STXBP6: variants seen among roughly 807,000 people sequenced by gnomAD.
STXBP6 encodes the protein syntaxin binding protein 6.
STXBP6 carries 21 observed loss-of-function variants against 26.9 expected under a neutral mutation model. The ratio of observed to expected loss-of-function variants is 0.78; its 90% CI spans 0.55 to 1.12. The LOEUF (loss-of-function observed/expected upper bound fraction) is 1.12. Among genes scored for constraint, STXBP6 ranks in the 50% most tolerant of loss-of-function variants. The probability of loss-of-function intolerance (pLI) is 0.00; values close to 1 mark genes in which losing one functional copy is unlikely to be tolerated. For missense variants in STXBP6, 232 were observed against 257.9 expected (o/e 0.90, Z 0.69); for synonymous variants, 97 against 92.6 (o/e 1.05, Z -0.27).
At chr14:25,017,743 C>T (rs945545907) in intron 1 of STXBP6, among the ~76,000 whole-genome samples, 1 of 152,150 alleles carries the variant, frequency 6.6e-6, no homozygotes, top group African/African-American at 2.4e-5. Context: ...TCAGAACAAA[C>T]ATGGGAGGAA....
intron 5 of STXBP6, chr14:24,817,975 G>A (rs1442445011): frequency 8.9e-6 from 4 of 447,466 alleles, no homozygotes; most frequent in African/African-American, 4.0e-5. Flanking sequence ...GGACCTGAGC[G>A]TGAGCCTCCA....
intron 2 of STXBP6, among the ~76,000 whole-genome samples, chr14:24,928,825 A>C (rs1329841449): frequency 2.6e-5 from 4 of 152,186 alleles, no homozygotes; most frequent in Non-Finnish European, 4.4e-5. Flanking sequence ...CTAGAGCATG[A>C]ATATTAAAAA....
At chr14:24,907,830 G>A (rs2071436651) in intron 2 of STXBP6, among the ~76,000 whole-genome samples, 1 of 150,536 alleles carries the variant, frequency 6.6e-6, no homozygotes. Flanking sequence ...CATTTCCTCT[G>A]CAAGGTGCTC....
At chr14:24,836,606 C>CAAAAAA (rs71449215) in intron 4 of STXBP6, among the ~76,000 whole-genome samples, 93 of 44,084 alleles carry the variant, frequency 2.1e-3, no homozygotes, top group Admixed American at 2.6e-3. Context: ...GACTCCCTCT[C>CAAAAAA]AAAAAAAAAA....
chr14:25,007,019 G>A (rs563455868), intron 1 of STXBP6, among the ~76,000 whole-genome samples: 4 of 152,104 alleles, frequency 2.6e-5, no homozygotes, highest in East Asian at 1.9e-4. Context: ...ATTATGCCTC[G>A]GCAAAAATGC....
intron 1 of STXBP6, among the ~76,000 whole-genome samples, chr14:25,025,733 G>A (rs1235446798): frequency 2.0e-5 from 3 of 152,010 alleles, no homozygotes; most frequent in East Asian, 1.9e-4. Flanking sequence ...GTATCACGAG[G>A]GACACTCATA....
intron 4 of STXBP6, among the ~76,000 whole-genome samples, chr14:24,819,924 A>G (rs2068091142): frequency 6.6e-6 from 1 of 152,186 alleles, no homozygotes; most frequent in Admixed American, 6.5e-5. Flanking sequence ...GATAGAAACC[A>G]GCCCTAGAAG....
At position 24,820,781 on chromosome 14, in the gene STXBP6, G is replaced by C. The variant is rs576073523; in HGVS notation, c.452-1587C>G. On this transcript the variant is annotated intron_variant, in intron 4 of 5. Coordinates refer to ENST00000323944, the MANE Select transcript of STXBP6 (RefSeq NM_001394410.1). ...GCTGATAGGATTGAGACTAGCAGAG[G>C]TTAAGAGGCTTGCACAATACCGTAT... 2.0e-4 allele frequency among the ~76,000 whole-genome samples: 31 copies of C among 152,296 alleles called. No homozygotes were observed. In the East Asian group the frequency reaches 2.5e-3, roughly 12 times the overall value.
chr14:25,020,469 C>T (rs752724481), intron 1 of STXBP6, among the ~76,000 whole-genome samples: 3 of 152,118 alleles, frequency 2.0e-5, no homozygotes, highest in African/African-American at 4.8e-5. Flanking sequence ...TTAAATCATT[C>T]GAACCCTGAC....
intron 2 of STXBP6, among the ~76,000 whole-genome samples, chr14:24,933,013 A>G (rs749475007): frequency 5.9e-5 from 9 of 152,122 alleles, no homozygotes; most frequent in South Asian, 4.1e-4. Context: ...TAAGATCTCA[A>G]TTTGGAAATC....
intron 2 of STXBP6, among the ~76,000 whole-genome samples, chr14:24,949,774 A>G (rs1286924544): frequency 6.6e-6 from 1 of 152,200 alleles, no homozygotes; most frequent in Non-Finnish European, 1.5e-5. Flanking sequence ...GGATATGTAA[A>G]CAGGCTGTAA....
chr14:25,020,489 C>T (rs945007191), intron 1 of STXBP6, among the ~76,000 whole-genome samples: 1 of 152,096 alleles, frequency 6.6e-6, no homozygotes, highest in Non-Finnish European at 1.5e-5. Flanking sequence ...CCAAATTCTG[C>T]CTCTCCTCCC....
intron 2 of STXBP6, among the ~76,000 whole-genome samples, chr14:24,866,629 A>G (rs945316509): frequency 5.3e-5 from 8 of 152,024 alleles, no homozygotes; most frequent in Non-Finnish European, 1.2e-4. Flanking sequence ...ACATTACAAC[A>G]TTGCTGAAAG....
intron 1 of STXBP6, among the ~76,000 whole-genome samples, chr14:24,988,337 C>A (rs2074384617): frequency 1.3e-5 from 2 of 152,072 alleles, no homozygotes; most frequent in Non-Finnish European, 2.9e-5. Context: ...AGATCACAGG[C>A]ATTTCAGATA....
intron 1 of STXBP6, among the ~76,000 whole-genome samples, chr14:25,006,698 T>C (rs953174129): frequency 6.6e-6 from 1 of 152,226 alleles, no homozygotes; most frequent in Non-Finnish European, 1.5e-5. Context: ...TAGTACAGCA[T>C]AAAATTTCCC....
At chr14:25,040,320 A>C (rs1419435230) in intron 1 of STXBP6, among the ~76,000 whole-genome samples, 7 of 152,182 alleles carry the variant, frequency 4.6e-5, no homozygotes, top group African/African-American at 1.7e-4. Flanking sequence ...TGAAGGTAGA[A>C]AGGCATGTCT....
intron 2 of STXBP6, among the ~76,000 whole-genome samples, chr14:24,952,690 C>G (rs2073209874): frequency 6.6e-6 from 1 of 152,104 alleles, no homozygotes; most frequent in African/African-American, 2.4e-5. Context: ...GAAAAAATAG[C>G]ACAGTAGGTA....
In STXBP6 at chr14:24,812,704, G is replaced by T. The variant is rs758398337; in HGVS notation, c.*5C>A. 2 of 1,613,750 alleles carry T rather than the reference G, an allele frequency of 1.2e-6. No individual in the cohort carries two copies. Among genetic ancestry groups the T allele is most frequent in the South Asian group, 2.2e-5 (2 of 91,068 alleles). ...TTAAGAAGAGTCACCAGGATAGGCA[G>T]TTTCTCAACATTTGTGCTTCATGGC... On this transcript the variant is annotated 3_prime_UTR_variant, in exon 6 of 6. Coordinates refer to ENST00000323944, the MANE Select transcript of STXBP6 (RefSeq NM_001394410.1).
chr14:24,919,440 TAAA>T (rs59604566), intron 2 of STXBP6, among the ~76,000 whole-genome samples: 1 of 145,142 alleles, frequency 6.9e-6, no homozygotes, highest in African/African-American at 2.5e-5. Flanking sequence ...ATGCGAAAAA[TAAA>T]AAAAAAACAA....
Sources: gnomAD v4.1 joint callset for allele counts (sites outside exome capture counted in the v4.1 genomes callset) on GRCh38, gnomAD v4.1.1 for gene constraint, MANE v1.5 for transcripts, NCBI Gene and HGNC (gene_info 2026-07-23, HGNC 2026-07-21) for gene names.